ITGA2: variants seen among roughly 807,000 people sequenced by gnomAD.
The protein encoded by ITGA2 is integrin alpha-2.
A neutral mutation model predicts 146.3 loss-of-function variants in ITGA2; 101 were observed. The observed-to-expected ratio is 0.69, with a 90% CI of 0.59 to 0.81. The LOEUF (loss-of-function observed/expected upper bound fraction) is 0.81. Ranked by LOEUF, ITGA2 falls within the 40% of genes least tolerant of loss-of-function variation. ITGA2 has a pLI of 0.00. For synonymous variants in ITGA2, 477 were observed against 487.1 expected, an observed-to-expected ratio of 0.98 and a Z score of 0.27; for missense variants, 1,281 against 1,402.7, an observed-to-expected ratio of 0.91 and a Z score of 1.39.
Position 53,076,576 on chromosome 5 carries a change from G to A in ITGA2, c.2825+1272G>A, listed in dbSNP as rs1391136368. ...GAAACAAATGCAACCAACCCAAATT[G>A]ATGTTACCACATTACCTGAATTTTT... is the stretch of plus-strand genomic sequence containing the variant. On this transcript the variant is annotated intron_variant, in intron 23 of 29. Coordinates refer to ENST00000296585, the MANE Select transcript of ITGA2 (RefSeq NM_002203.4). 4.6e-5 allele frequency among the ~76,000 whole-genome samples: 7 copies of A among 151,880 alleles called. No homozygotes were observed. The East Asian group carries it at 1.4e-3, about 29-fold the overall frequency.
At chr5:53,002,116 A>G (rs1305617212) in intron 1 of ITGA2, among the ~76,000 whole-genome samples, 1 of 152,120 alleles carries the variant, frequency 6.6e-6, no homozygotes, top group Non-Finnish European at 1.5e-5. Context: ...TTTAACTGAT[A>G]GAAAATTAGA....
chr5:53,054,883 AACTT>A (rs1744558956), intron 7 of ITGA2, among the ~76,000 whole-genome samples: 1 of 152,060 alleles, frequency 6.6e-6, no homozygotes, highest in African/African-American at 2.4e-5. Flanking sequence ...ACCACTAAAG[AACTT>A]ATTTATATGA....
chr5:53,009,024 A>G (rs1286202869), intron 1 of ITGA2, among the ~76,000 whole-genome samples: 1 of 152,122 alleles, frequency 6.6e-6, no homozygotes, highest in African/African-American at 2.4e-5. Flanking sequence ...GCCCAGACAG[A>G]CACCTGCACA....
At chr5:53,039,857 G>A (rs1314482598) in intron 2 of ITGA2, among the ~76,000 whole-genome samples, 6 of 149,382 alleles carry the variant, frequency 4.0e-5, no homozygotes, top group African/African-American at 1.5e-4. Context: ...TTCATTTGCT[G>A]TTGTTTTTTT....
At chr5:53,016,205 T>C (rs1433343164) in intron 1 of ITGA2, among the ~76,000 whole-genome samples, 1 of 152,202 alleles carries the variant, frequency 6.6e-6, no homozygotes, top group African/African-American at 2.4e-5. Context: ...AAGTGTGTTT[T>C]TGTGGTAGCT....
chr5:53,072,496 C>T, intron 18 of ITGA2, 117 bp from the exon 19 acceptor site: 1 of 724,132 alleles, frequency 1.4e-6, no homozygotes, highest in Non-Finnish European at 2.5e-6. Flanking sequence ...TTATATATTC[C>T]TAGAACATTG....
intron 1 of ITGA2, among the ~76,000 whole-genome samples, chr5:52,995,988 C>T (rs1741225183): frequency 6.6e-6 from 1 of 152,120 alleles, no homozygotes; most frequent in African/African-American, 2.4e-5. Context: ...GGGTCAACTT[C>T]TTCAAAGAAG....
At chr5:53,028,971 A>G (rs1743087526) in intron 2 of ITGA2, among the ~76,000 whole-genome samples, 1 of 152,128 alleles carries the variant, frequency 6.6e-6, no homozygotes, top group South Asian at 2.1e-4. Context: ...GCCAGTGTGA[A>G]CTGTTAAAAA....
intron 14 of ITGA2, among the ~76,000 whole-genome samples, chr5:53,065,558 T>C (rs1422111311): frequency 1.3e-5 from 2 of 151,908 alleles, no homozygotes; most frequent in Non-Finnish European, 2.9e-5. Flanking sequence ...ATTAACCCTG[T>C]ACCTGAACTT....
At position 53,082,944 on chromosome 5, in the gene ITGA2, G is replaced by T. The variant is rs1015807181; in HGVS notation, c.3145-396G>T. On this transcript the variant is annotated intron_variant, in intron 26 of 29. Transcript: ENST00000296585. ...TTAATGACAAATTGTAGTACATTTT[G>T]TGCATGTTTACTAATTTATTTAACT... is the stretch of plus-strand genomic sequence containing the variant. 4.6e-5 allele frequency among the ~76,000 whole-genome samples: 7 copies of T among 152,238 alleles called. No individual in the cohort carries two copies. The East Asian group carries it at 1.4e-3, about 29-fold the overall frequency.
intron 14 of ITGA2, 65 bp downstream of exon 14, chr5:53,065,180 C>G (rs529639060): frequency 1.4e-6 from 2 of 1,480,734 alleles, no homozygotes; most frequent in Non-Finnish European, 1.9e-6. Context: ...ACATAGAAAG[C>G]GTCATGTAAA....
rs778140565 is a variant in ITGA2 at position 53,059,949 on chromosome 5, T to A, written c.1249T>A (p.Leu417Met). 1 of 1,612,348 alleles carries A rather than the reference T, an allele frequency of 6.2e-7. No individual in the cohort carries two copies. The highest frequency in any genetic ancestry group is 1.1e-5 in the South Asian group (1 of 91,062). Residue 417 changes from leucine (L) to methionine (M), a missense_variant, in exon 11 of 30, where the codon TTG (leucine) becomes ATG (methionine). Physicochemically the swap from Leu to Met is conservative, Grantham distance 15 (BLOSUM62 2). Coordinates refer to ENST00000296585, the MANE Select transcript of ITGA2 (RefSeq NM_002203.4). The part of the protein sequence containing the change: ...TIVQKTSHGH[L>M]IFPKQAFDQI... ...TGTCCAGAAGACATCTCATGGCCATTTGATCTTTCCTAAACAAGCCTTTGA... is the reference window on the plus strand; with the variant it reads ...TGTCCAGAAGACATCTCATGGCCATATGATCTTTCCTAAACAAGCCTTTGA...
At chr5:52,996,495 TAGAG>T (rs1741262003) in intron 1 of ITGA2, among the ~76,000 whole-genome samples, 2 of 151,990 alleles carry the variant, frequency 1.3e-5, no homozygotes, top group South Asian at 4.2e-4. Flanking sequence ...GGCTATGAAA[TAGAG>T]AGGATATTAA....
rs150557341 is a variant in ITGA2 at position 53,034,872 on chromosome 5, T to A, written c.186-7240T>A. Among the ~76,000 whole-genome samples the A allele has an allele frequency of 9.7e-4, 147 of 152,166 alleles. 1 individual carries two copies. Among genetic ancestry groups the A allele is most frequent in the African/African-American group, 3.4e-3 (142 of 41,510 alleles). On this transcript the variant is annotated intron_variant, in intron 2 of 29. Transcript: ENST00000296585. ...AGCAAACAGTGCTTCTCTAGAAGAGTTCTAAGGGAACTTAATATGGTAAAA... is the reference window on the plus strand; with the variant it reads ...AGCAAACAGTGCTTCTCTAGAAGAGATCTAAGGGAACTTAATATGGTAAAA...
At chr5:53,010,042 G>T (rs1305060831) in intron 1 of ITGA2, among the ~76,000 whole-genome samples, 1 of 152,092 alleles carries the variant, frequency 6.6e-6, no homozygotes, top group Non-Finnish European at 1.5e-5. Flanking sequence ...AAAGGGTGTG[G>T]CTAGACATCC....
intron 19 of ITGA2, 52 bp downstream of exon 19, chr5:53,072,747 A>G (rs1157175229): frequency 8.9e-6 from 12 of 1,353,888 alleles, no homozygotes; most frequent in East Asian, 2.3e-5. Context: ...AAGACATACT[A>G]GATTACTTTA....
rs3212665 is a variant in ITGA2, at chr5:53,015,624, A to G, written c.65-11124A>G. ...ATTAGGTCCATTTGATCAAGTGTCA[A>G]TCAGGTCCTAAATATCTTTGTTAGT... is the stretch of plus-strand genomic sequence containing the variant. On this transcript the variant is annotated intron_variant, in intron 1 of 29. Transcript: ENST00000296585. Among the ~76,000 whole-genome samples the G allele has an allele frequency of 1.7e-3, 266 of 152,172 alleles. 1 individual carries two copies. The highest frequency in any genetic ancestry group is 3.1e-3 in the Non-Finnish European group (214 of 67,948).
rs1286704095 is a variant in ITGA2 at position 53,062,888 on chromosome 5, A to G, written c.1561A>G (p.Lys521Glu). Residue 521 changes from lysine to glutamate, a missense_variant, in exon 13 of 30, where the codon AAG becomes GAG. Coordinates refer to ENST00000296585, the MANE Select transcript of ITGA2 (RefSeq NM_002203.4). ...TGCACCAATGTACATGAGTGACCTA[A>G]AGAAAGAGGAAGGAAGAGTCTACCT... ...VGAPMYMSDL[K>E]KEEGRVYLFT... The G allele has an allele frequency of 1.2e-6, 2 of 1,611,412 alleles. No individual in the cohort carries two copies. The highest frequency in any genetic ancestry group is 2.7e-5 in the African/African-American group (2 of 74,720).
At chr5:53,010,724 T>C (rs1285840596) in intron 1 of ITGA2, among the ~76,000 whole-genome samples, 1 of 152,166 alleles carries the variant, frequency 6.6e-6, no homozygotes, top group African/African-American at 2.4e-5. Context: ...GTGGCATGAA[T>C]GTGAATTTTG....
Sources: gnomAD v4.1 joint callset for allele counts (sites outside exome capture counted in the v4.1 genomes callset) on GRCh38, gnomAD v4.1.1 for gene constraint, MANE v1.5 for transcripts, NCBI Gene and HGNC (gene_info 2026-07-23, HGNC 2026-07-21) for gene names.